The following TRPM8 variants were observed in gnomAD, a reference collection of about 807,000 sequenced individuals.
TRPM8 encodes transient receptor potential cation channel subfamily M member 8.
A neutral mutation model predicts 133.7 loss-of-function variants in TRPM8; 110 were observed. The ratio of observed to expected loss-of-function variants is 0.82; its 90% CI spans 0.70 to 0.96. The LOEUF (loss-of-function observed/expected upper bound fraction) is 0.96, where lower values mean the gene tolerates loss of function less well. TRPM8 is among the 40% of genes least tolerant of loss of function. The pLI is 0.00. For missense variants in TRPM8, 1,291 were observed against 1,379.5 expected (o/e 0.94, Z 1.02); for synonymous variants, 535 against 532.3 (o/e 1.01, Z -0.07).
rs1692135336 is a variant in TRPM8, at chr2:233,985,822, TCCACCAACATC to T, written c.2898_2908del (p.Thr967AlafsTer21). On this transcript the variant is annotated frameshift_variant, in exon 21 of 26. Coordinates refer to ENST00000324695, the MANE Select transcript of TRPM8 (RefSeq NM_024080.5). LOFTEE classifies it high-confidence loss of function. ...CCCCCTGGTGTGCATCTACATGTTATCCACCAACATCCTGCTGGTCAACCTGCTGGTCGCCA... is the reference window on the plus strand; with the variant it reads ...CCCCCTGGTGTGCATCTACATGTTATCTGCTGGTCAACCTGCTGGTCGCCA... The T allele has an allele frequency of 6.2e-7, 1 of 1,614,064 alleles. No individual in the cohort carries two copies. The highest frequency in any genetic ancestry group is 1.3e-5 in the African/African-American group (1 of 74,928).
At chr2:233,931,229 C>T (rs1390735200) in intron 3 of TRPM8, among the ~76,000 whole-genome samples, 1 of 152,216 alleles carries the variant, frequency 6.6e-6, no homozygotes, top group East Asian at 1.9e-4. Flanking sequence ...GCTTCACCAG[C>T]TCAGCCTACA....
rs201555245 is a variant in TRPM8, at chr2:234,017,720, T to G, written c.*464T>G. On this transcript the variant is annotated 3_prime_UTR_variant, in exon 26 of 26. Transcript: ENST00000324695. ...TTTTTTGTATTATGTGACTAATTAG[T>G]TGGCATATTGTTAAAAGTCTCTCAA... 6 of 162,244 alleles carry G rather than the reference T, an allele frequency of 3.7e-5. No homozygotes were observed. The highest frequency in any genetic ancestry group is 8.0e-5 in the Non-Finnish European group (6 of 74,684). 10.1% of individuals were successfully genotyped at this position (162,244 alleles called of 1,614,324 possible).
intron 1 of TRPM8, among the ~76,000 whole-genome samples, chr2:233,919,247 A>C (rs1691362886): frequency 6.6e-6 from 1 of 152,182 alleles, no homozygotes; most frequent in Non-Finnish European, 1.5e-5. Flanking sequence ...TCTGTTGTTC[A>C]TGAGTGACTT....
Position 233,983,074 on chromosome 2 carries a change from C to G in TRPM8, c.2611C>G (p.Leu871Val), listed in dbSNP as rs1448507921. The change falls in exon 20 of 26, where the codon CTG becomes GTG. Residue 871 changes from leucine to valine, a missense_variant. Transcript: ENST00000324695. The part of the protein sequence containing the change: ...QRMLIDVFFF[L>V]FLFAVWMVAF... ...ACAGCTGATCGATGTGTTCTTCTTCCTGTTCCTCTTTGCGGTGTGGATGGT... is the reference window on the plus strand; with the variant it reads ...ACAGCTGATCGATGTGTTCTTCTTCGTGTTCCTCTTTGCGGTGTGGATGGT... 4 of 1,613,864 alleles carry G rather than the reference C, an allele frequency of 2.5e-6. No individual in the cohort carries two copies. Among genetic ancestry groups the G allele is most frequent in the African/African-American group, 2.7e-5 (2 of 75,044 alleles).
At position 233,969,775 on chromosome 2, in the gene TRPM8, A is replaced by G. The variant is rs766440724; in HGVS notation, c.2106A>G (p.Ile702Met). 6 of 1,613,556 alleles carry G rather than the reference A, an allele frequency of 3.7e-6. No individual in the cohort carries two copies. In the East Asian group the frequency reaches 1.1e-4, roughly 30 times the overall value. ...NWKIILCLFIIPLVGCGFVSF... is the reference protein window; with the variant it reads ...NWKIILCLFIMPLVGCGFVSF... ...AGATTATCCTGTGTCTGTTTATTAT[A>G]CCCTTGGTGGGCTGTGGCTTTGTAT... The change falls in exon 16 of 26, where the codon ATA (isoleucine) becomes ATG (methionine). Residue 702 changes from isoleucine to methionine, a missense_variant. Coordinates refer to ENST00000324695, the MANE Select transcript of TRPM8 (RefSeq NM_024080.5).
chr2:234,006,525 C>A (rs1352648178), intron 22 of TRPM8, among the ~76,000 whole-genome samples: 3 of 152,186 alleles, frequency 2.0e-5, no homozygotes, highest in Non-Finnish European at 4.4e-5. Context: ...GGAAGAAGAG[C>A]ACATATCAAA....
intron 3 of TRPM8, among the ~76,000 whole-genome samples, chr2:233,932,111 T>A (rs1424226173): frequency 2.6e-5 from 4 of 152,230 alleles, no homozygotes; most frequent in Non-Finnish European, 5.9e-5. Flanking sequence ...ATGTTCAATC[T>A]AACTGGCATA....
chr2:233,933,105 A>G (rs146947662), intron 3 of TRPM8, among the ~76,000 whole-genome samples: 3 of 152,042 alleles, frequency 2.0e-5, no homozygotes, highest in Non-Finnish European at 4.4e-5. Context: ...CTGGCACACT[A>G]TGGGTAGTAA....
chr2:233,939,785 A>G (rs1690859733), intron 5 of TRPM8, among the ~76,000 whole-genome samples: 1 of 152,214 alleles, frequency 6.6e-6, no homozygotes, highest in Admixed American at 6.5e-5. Context: ...TGTTCCATAA[A>G]TATCTACGTA....
rs1368718621 is a variant in TRPM8, at chr2:233,939,116, C to T, written c.467C>T (p.Ala156Val). ...GTGACCGGGGGCGCCAAGAACTTCG[C>T]CCTGAAGCCGCGCATGCGCAAGATC... ...ISVTGGAKNF[A>V]LKPRMRKIFS... The change falls in exon 5 of 26, where the codon GCC (alanine) becomes GTC (valine). Residue 156 changes from alanine (A) to valine (V), a missense_variant. Ala to Val is a moderately conservative substitution (Grantham distance 64, BLOSUM62 0). Transcript: ENST00000324695. 3 of 1,614,180 alleles carry T rather than the reference C, an allele frequency of 1.9e-6. No homozygotes were observed. The East Asian group carries it at 6.7e-5, about 36-fold the overall frequency.
chr2:233,990,206 G>T (rs553051302), intron 21 of TRPM8, among the ~76,000 whole-genome samples: 5 of 152,232 alleles, frequency 3.3e-5, no homozygotes, highest in African/African-American at 1.2e-4. Context: ...GCTTTACAGG[G>T]GTCGCCTCAT....
chr2:233,965,041 T>C (rs1691531302), intron 14 of TRPM8, among the ~76,000 whole-genome samples: 1 of 91,564 alleles, frequency 1.1e-5, no homozygotes, highest in Non-Finnish European at 2.0e-5. Flanking sequence ...AGCACTGGAC[T>C]ACTTTTTTTT....
intron 2 of TRPM8, 50 bp from the exon 3 acceptor site, chr2:233,930,618 A>C (rs745935050): frequency 7.8e-7 from 1 of 1,283,906 alleles, no homozygotes; most frequent in African/African-American, 1.5e-5. Context: ...AATATCAGCA[A>C]GGGGTGAGAA....
chr2:233,924,875 A>G (rs1360325490), intron 1 of TRPM8, among the ~76,000 whole-genome samples: 1 of 152,224 alleles, frequency 6.6e-6, no homozygotes, highest in East Asian at 1.9e-4. Context: ...GCAATGATGT[A>G]TGTAAAGTGC....
At chr2:233,955,300 G>A in intron 11 of TRPM8, 50 bp downstream of exon 11, 1 of 1,400,602 alleles carries the variant, frequency 7.1e-7, no homozygotes, top group East Asian at 2.3e-5. Flanking sequence ...CTGGACAGTG[G>A]TCTGGGCAAT....
chr2:233,949,155 G>A (rs1466964035), intron 8 of TRPM8, among the ~76,000 whole-genome samples: 1 of 152,228 alleles, frequency 6.6e-6, no homozygotes, highest in African/African-American at 2.4e-5. Flanking sequence ...GAGGCACACA[G>A]AGGGATCCCG....
At chr2:233,953,203 C>G (rs1691211407) in intron 9 of TRPM8, among the ~76,000 whole-genome samples, 1 of 152,198 alleles carries the variant, frequency 6.6e-6, no homozygotes, top group Admixed American at 6.5e-5. Context: ...TTCAAACAGC[C>G]AGACCCTGAG....
chr2:233,984,805 C>T (rs186477418), intron 20 of TRPM8, among the ~76,000 whole-genome samples: 102 of 152,206 alleles, frequency 6.7e-4, no homozygotes, highest in East Asian at 1.2e-3. Context: ...AAAAATAGGC[C>T]GGGGATGGTG....
intron 15 of TRPM8, among the ~76,000 whole-genome samples, chr2:233,968,748 G>C (rs191286581): frequency 9.9e-4 from 151 of 152,004 alleles, no homozygotes; most frequent in African/African-American, 3.4e-3. Context: ...AGAGATGTGG[G>C]TCCTTTGATG....
Sources: gnomAD v4.1 joint callset for allele counts (sites outside exome capture counted in the v4.1 genomes callset) on GRCh38, gnomAD v4.1.1 for gene constraint, MANE v1.5 for transcripts, NCBI Gene and HGNC (gene_info 2026-07-23, HGNC 2026-07-21) for gene names.